The following SLC2A9 variants were observed in gnomAD, a reference collection of about 807,000 sequenced individuals.
SLC2A9 encodes the protein solute carrier family 2, facilitated glucose transporter member 9.
Under a neutral mutation model 50.6 loss-of-function variants are expected in SLC2A9, and 39 were observed. The observed-to-expected ratio is 0.77, with a 90% CI of 0.60 to 1.01. The LOEUF (loss-of-function observed/expected upper bound fraction) is 1.01, where lower values mean the gene tolerates loss of function less well. Ranked by LOEUF, SLC2A9 falls within the 50% of genes least tolerant of loss-of-function variation. The pLI is 0.00. For synonymous variants in SLC2A9, 324 were observed against 276.9 expected (o/e 1.17, Z -1.69); for missense variants, 686 against 677.6 (o/e 1.01, Z -0.14).
At chr4:10,025,742 C>A (rs1054092041), upstream of SLC2A9, 1 of 650,688 alleles carries the variant, frequency 1.5e-6, no homozygotes, top group Non-Finnish European at 2.7e-6. Flanking sequence ...CTCTACAATC[C>A]CCATGGCTCC....
chr4:9,951,674 G>A (rs1014119251), intron 5 of SLC2A9, among the ~76,000 whole-genome samples: 1 of 152,050 alleles, frequency 6.6e-6, no homozygotes, highest in Admixed American at 6.5e-5. Flanking sequence ...TTTGAGAACT[G>A]TCCTTTCTGT....
intron 1 of SLC2A9, among the ~76,000 whole-genome samples, chr4:9,773,604 G>A (rs1717131704): frequency 6.6e-6 from 1 of 152,218 alleles, no homozygotes; most frequent in Non-Finnish European, 1.5e-5. Context: ...GCAGGAGCCA[G>A]GCATGTGAAA....
rs749714539 is a variant in SLC2A9 at position 10,018,546 on chromosome 4, TGATAGATAGATAGATAGATAGATA to T, written c.249+405_249+428del. 2.8e-5 allele frequency among the ~76,000 whole-genome samples: 4 copies of T among 145,332 alleles called. No individual in the cohort carries two copies. The East Asian group carries it at 8.9e-4, about 32-fold the overall frequency. On this transcript the variant is annotated intron_variant, in intron 2 of 11. Coordinates refer to ENST00000264784, the MANE Select transcript of SLC2A9 (RefSeq NM_020041.3). ...ACAGAGTGAGACTCCATCTCAAAGA[TGATAGATAGATAGATAGATAGATA>T]GATAGATAGATAGATAGATAACAAC...
At chr4:9,823,012 G>C (rs1980220), downstream of SLC2A9, among the ~76,000 whole-genome samples, 1 of 151,934 alleles carries the variant, frequency 6.6e-6, no homozygotes, top group South Asian at 2.1e-4. Flanking sequence ...TCTTCAATTT[G>C]CCTGATATAA....
At chr4:9,818,888 TG>T (rs1392052476) in intron 3 of SLC2A9, among the ~76,000 whole-genome samples, 6 of 151,800 alleles carry the variant, frequency 4.0e-5, no homozygotes, top group African/African-American at 1.5e-4. Flanking sequence ...TTTGGGAGGC[TG>T]GGGCGGGTGG....
At chr4:9,858,349 T>A (rs1731072315) in intron 10 of SLC2A9, among the ~76,000 whole-genome samples, 1 of 152,194 alleles carries the variant, frequency 6.6e-6, no homozygotes, top group Non-Finnish European at 1.5e-5. Context: ...TTTGTGACTG[T>A]CTAGGGTTCT....
intron 3 of SLC2A9, among the ~76,000 whole-genome samples, chr4:9,808,842 G>A (rs955418313): frequency 6.6e-6 from 1 of 152,158 alleles, no homozygotes; most frequent in African/African-American, 2.4e-5. Flanking sequence ...CAGCTGCCCT[G>A]CACAACTCCA....
rs549701195 is a variant in SLC2A9 at position 9,952,287 on chromosome 4, T to G, written c.682-10242A>C. ...GGGGCTTGGTGGAAGGTGTTTGGGT[T>G]ATGGGGTTGGATCCCTCATGGCTTA... On this transcript the variant is annotated intron_variant, in intron 5 of 11. Coordinates refer to ENST00000264784, the MANE Select transcript of SLC2A9 (RefSeq NM_020041.3). 2.0e-5 allele frequency among the ~76,000 whole-genome samples: 3 copies of G among 152,302 alleles called. No individual in the cohort carries two copies. The South Asian group carries it at 6.2e-4, about 32-fold the overall frequency.
chr4:9,951,806 T>C (rs1328328486), intron 5 of SLC2A9, among the ~76,000 whole-genome samples: 1 of 152,260 alleles, frequency 6.6e-6, no homozygotes, highest in Non-Finnish European at 1.5e-5. Flanking sequence ...TGATATGGAA[T>C]CTTTAAAAAG....
intron 5 of SLC2A9, among the ~76,000 whole-genome samples, chr4:9,974,875 CA>C (rs1266694988): frequency 3.3e-5 from 5 of 152,132 alleles, no homozygotes; most frequent in African/African-American, 1.2e-4. Context: ...CTACAGTAAC[CA>C]AAACAGTATG....
At chr4:9,783,264 A>C (rs1458456505) in intron 3 of SLC2A9, 2 of 1,614,040 alleles carry the variant, frequency 1.2e-6, no homozygotes, top group Non-Finnish European at 1.7e-6. Flanking sequence ...GCCTACATCC[A>C]CATGATGCCC....
chr4:9,803,652 G>C (rs1329911319), intron 3 of SLC2A9, among the ~76,000 whole-genome samples: 1 of 152,136 alleles, frequency 6.6e-6, no homozygotes, highest in African/African-American at 2.4e-5. Context: ...ACCTCTTACT[G>C]CAAGTATTTT....
intron 10 of SLC2A9, among the ~76,000 whole-genome samples, chr4:9,841,189 CT>C (rs1728026372): frequency 6.6e-6 from 1 of 152,170 alleles, no homozygotes; most frequent in Non-Finnish European, 1.5e-5. Flanking sequence ...TCATTTACTT[CT>C]TATGTTATAC....
Position 9,826,767 on chromosome 4 carries a change from G to A in SLC2A9, c.1420-167C>T, listed in dbSNP as rs139913518. Among the ~76,000 whole-genome samples the A allele has an allele frequency of 5.7e-3, 865 of 152,302 alleles. 9 individuals are homozygous for A. The highest frequency in any genetic ancestry group is 0.013 in the South Asian group (64 of 4,822). On this transcript the variant is annotated intron_variant, in intron 11 of 11. Coordinates refer to ENST00000264784, the MANE Select transcript of SLC2A9 (RefSeq NM_020041.3). ...ATAAGGCAAGTGTACCCTACATGAAGTGTTATCACATAAGGCTTGAATAAA... is the reference window on the plus strand; with the variant it reads ...ATAAGGCAAGTGTACCCTACATGAAATGTTATCACATAAGGCTTGAATAAA...
intron 3 of SLC2A9, among the ~76,000 whole-genome samples, chr4:9,819,270 T>C (rs1724071897): frequency 6.6e-6 from 1 of 152,180 alleles, no homozygotes. Flanking sequence ...GCTACTCCAC[T>C]GGCTGTTTCT....
intron 8 of SLC2A9, among the ~76,000 whole-genome samples, chr4:9,899,227 A>G (rs1315935359): frequency 1.3e-5 from 2 of 152,232 alleles, no homozygotes; most frequent in Non-Finnish European, 2.9e-5. Context: ...AACCCTTGGC[A>G]CATGAGCAAT....
intron 5 of SLC2A9, among the ~76,000 whole-genome samples, chr4:9,963,205 G>A (rs1302963197): frequency 6.6e-6 from 1 of 152,180 alleles, no homozygotes; most frequent in Non-Finnish European, 1.5e-5. Context: ...CAGATCTCAT[G>A]AGGCTTATTC....
chr4:10,013,644 G>A (rs1263087468), intron 2 of SLC2A9, among the ~76,000 whole-genome samples: 2 of 152,154 alleles, frequency 1.3e-5, no homozygotes, highest in Non-Finnish European at 1.5e-5. Flanking sequence ...TTTCATTTTC[G>A]GCATTACAGA....
At position 9,841,833 on chromosome 4, in the gene SLC2A9, C is replaced by A. The variant is rs148051721; in HGVS notation, c.1292-6825G>T. On this transcript the variant is annotated intron_variant, in intron 10 of 11. Coordinates refer to ENST00000264784, the MANE Select transcript of SLC2A9 (RefSeq NM_020041.3). ...TCTTAGGAAGTGGCAATCCCCAGGA[C>A]CCTTTGAGAGGGCTGTTTGGGGGGA... is the stretch of plus-strand genomic sequence containing the variant. Among the ~76,000 whole-genome samples, 393 of 152,228 alleles carry A rather than the reference C, an allele frequency of 2.6e-3. 1 individual carries two copies. Among genetic ancestry groups the A allele is most frequent in the African/African-American group, 9.0e-3 (372 of 41,520 alleles).
Sources: allele counts gnomAD v4.1 joint callset (sites outside exome capture counted in the v4.1 genomes callset), GRCh38; gene constraint gnomAD v4.1.1; transcripts MANE v1.5; gene names NCBI Gene and HGNC (gene_info 2026-07-23, HGNC 2026-07-21).